Variants in PNKD observed in about 807,000 individuals in gnomAD.
PNKD encodes the protein probable thioesterase PNKD.
In PNKD, 36 loss-of-function variants were observed where a neutral mutation model predicts 45.3. That is an observed-to-expected ratio of 0.80 (90% CI 0.61 to 1.05). The LOEUF is 1.05. PNKD is among the 50% of genes least tolerant of loss of function. PNKD has a pLI of 0.00. For missense variants in PNKD, 511 were observed against 506.6 expected (o/e 1.01, Z -0.08); for synonymous variants, 197 against 210.1 (o/e 0.94, Z 0.54).
intron 2 of PNKD, chr2:218,280,189 C>G: frequency 8.3e-7 from 1 of 1,198,292 alleles, no homozygotes; most frequent in Non-Finnish European, 1.2e-6. Flanking sequence ...ATCCCAAAGC[C>G]TCCCTGACAA....
intron 2 of PNKD, among the ~76,000 whole-genome samples, chr2:218,336,448 G>A (rs1048421092): frequency 6.6e-6 from 1 of 152,038 alleles, no homozygotes; most frequent in Non-Finnish European, 1.5e-5. Flanking sequence ...TCACAGAAAC[G>A]ACATAATTAA....
At chr2:218,324,699 C>T (rs1694093162) in intron 2 of PNKD, among the ~76,000 whole-genome samples, 1 of 152,012 alleles carries the variant, frequency 6.6e-6, no homozygotes, top group African/African-American at 2.4e-5. Context: ...CTTTGGGAGG[C>T]TGAGGCAGGT....
chr2:218,316,997 A>G (rs1050679066), intron 2 of PNKD: 2 of 152,552 alleles, frequency 1.3e-5, no homozygotes, highest in African/African-American at 4.8e-5. Context: ...TATAGGTGCA[A>G]GAGGGGCTGA....
At position 218,280,226 on chromosome 2, in the gene PNKD, A is replaced by C. The variant is rs192562935; in HGVS notation, c.236+8677A>C. 3.8e-4 allele frequency: 333 copies of C among 869,864 alleles called. 1 individual carries two copies. In the African/African-American group the frequency reaches 5.1e-3, roughly 13 times the overall value. The allele number at this position is 869,864 out of a possible 1,614,324, so 53.9% of individuals were successfully genotyped here. On this transcript the variant is annotated intron_variant, in intron 2 of 9. Coordinates refer to ENST00000273077, the MANE Select transcript of PNKD (RefSeq NM_015488.5). ...CTCAAAGTCTCAGGGATCTCCAGCCAAAAGACAAGTGTTATAACAGGAACT... is the reference window on the plus strand; with the variant it reads ...CTCAAAGTCTCAGGGATCTCCAGCCCAAAGACAAGTGTTATAACAGGAACT...
At chr2:218,280,212 A>C in intron 2 of PNKD, 1 of 967,156 alleles carries the variant, frequency 1.0e-6, no homozygotes, top group South Asian at 1.3e-5. Flanking sequence ...TCAAAGTCTC[A>C]GGGATCTCCA....
At chr2:218,282,219 AGGC>A in intron 2 of PNKD, 1 of 1,235,298 alleles carries the variant, frequency 8.1e-7, no homozygotes, top group Non-Finnish European at 1.1e-6. Flanking sequence ...GTGAATGCCC[AGGC>A]CCAGCTCACT....
At position 218,310,569 on chromosome 2, in the gene PNKD, C is replaced by T. The variant is rs191386869; in HGVS notation, c.237-29214C>T. Among the ~76,000 whole-genome samples the T allele has an allele frequency of 1.8e-3, 262 of 149,530 alleles. 1 individual carries two copies. The highest frequency in any genetic ancestry group is 6.2e-3 in the African/African-American group (250 of 40,286). On this transcript the variant is annotated intron_variant, in intron 2 of 9. Coordinates refer to ENST00000273077, the MANE Select transcript of PNKD (RefSeq NM_015488.5). ...GAAGGACCACATGTATAACAATGGT[C>T]CCATGAGATTATTGCTTTATTGCTT... is the stretch of plus-strand genomic sequence containing the variant.
chr2:218,336,213 C>CAAAAA (rs60697754), intron 2 of PNKD, among the ~76,000 whole-genome samples: 41,855 of 92,794 alleles, frequency 0.45, 11,188 homozygotes, highest in South Asian at 0.67. Context: ...GACTCCATCT[C>CAAAAA]AAAAAAAAAA....
chr2:218,315,024 C>CTTTA (rs1559521188), intron 2 of PNKD, among the ~76,000 whole-genome samples: 1 of 1,178 alleles, frequency 8.5e-4, no homozygotes, highest in Non-Finnish European at 9.6e-3. Flanking sequence ...TTCTTTCTTT[C>CTTTA]TTTCTTTCTT....
chr2:218,310,066 C>T (rs1693557603), intron 2 of PNKD, among the ~76,000 whole-genome samples: 1 of 152,154 alleles, frequency 6.6e-6, no homozygotes, highest in African/African-American at 2.4e-5. Context: ...TTCTGCTCTG[C>T]CATCCTCGGG....
chr2:218,270,850 C>T (rs974595356), intron 1 of PNKD: 3 of 392,276 alleles, frequency 7.6e-6, no homozygotes, highest in Non-Finnish European at 1.4e-5. Context: ...GACTCCCGCG[C>T]TCCAGGTGTT....
intron 2 of PNKD, among the ~76,000 whole-genome samples, chr2:218,295,675 G>C (rs1294886697): frequency 6.6e-6 from 1 of 151,966 alleles, no homozygotes; most frequent in Non-Finnish European, 1.5e-5. Context: ...GGAGGCAGGG[G>C]GCCAGAAATT....
intron 2 of PNKD, chr2:218,275,233 A>G: frequency 2.4e-6 from 1 of 409,752 alleles, no homozygotes; most frequent in African/African-American, 2.0e-5. Flanking sequence ...GAGAAGACAC[A>G]TCTTCAGCCT....
chr2:218,343,056 G>A (rs576513331), intron 7 of PNKD, among the ~76,000 whole-genome samples: 1 of 152,328 alleles, frequency 6.6e-6, no homozygotes, highest in South Asian at 2.1e-4. Flanking sequence ...GTTTCCCCTG[G>A]GTGGAGACTG....
chr2:218,309,362 T>C (rs1418329128), intron 2 of PNKD, among the ~76,000 whole-genome samples: 1 of 129,070 alleles, frequency 7.7e-6, no homozygotes, highest in Non-Finnish European at 1.5e-5. Context: ...GAGGTTGCAG[T>C]GAGCCAAGAT....
intron 2 of PNKD, among the ~76,000 whole-genome samples, chr2:218,323,926 A>G (rs1052622800): frequency 6.6e-6 from 1 of 152,176 alleles, no homozygotes; most frequent in Non-Finnish European, 1.5e-5. Flanking sequence ...ACTCCTCACC[A>G]GTCAAGTTAG....
chr2:218,278,461 C>T (rs1691492377), intron 2 of PNKD: 1 of 1,559,334 alleles, frequency 6.4e-7, no homozygotes, highest in Non-Finnish European at 8.8e-7. Flanking sequence ...AAATACTCGG[C>T]CCCCATCCCA....
At chr2:218,337,146 G>A (rs899638158) in intron 2 of PNKD, among the ~76,000 whole-genome samples, 18 of 150,804 alleles carry the variant, frequency 1.2e-4, no homozygotes, top group African/African-American at 3.9e-4. Context: ...TCACTCTGTC[G>A]CCCAGGCTGG....
Position 218,340,268 on chromosome 2 carries a change from A to T in PNKD, c.465+127A>T. ...TGTGTCCCATATGCTCCATGTTCACACGTGCACATGCGCACACATAGCCTG... is the reference window on the plus strand; with the variant it reads ...TGTGTCCCATATGCTCCATGTTCACTCGTGCACATGCGCACACATAGCCTG... On this transcript the variant is annotated intron_variant, in intron 4 of 9. Transcript: ENST00000273077. This position sits in a 1 kb window ranked among gnomAD's most constrained non-coding sequence, Gnocchi z 4.2. The T allele has an allele frequency of 1.4e-6, 1 of 691,662 alleles. No individual in the cohort carries two copies. 42.8% of individuals were successfully genotyped at this position (691,662 alleles called of 1,614,324 possible). A position where few individuals can be genotyped will look rare whatever the true frequency, so the allele number is the denominator to read the frequency against.
Sources: gnomAD v4.1 joint callset for allele counts (sites outside exome capture counted in the v4.1 genomes callset) on GRCh38, gnomAD v4.1.1 for gene constraint, Gnocchi (gnomAD v3.1) non-coding constraint, MANE v1.5 for transcripts, NCBI Gene and HGNC (gene_info 2026-07-23, HGNC 2026-07-21) for gene names.